Variants in ELMO1 observed in about 807,000 individuals in gnomAD.
ELMO1 encodes the protein engulfment and cell motility protein 1.
Under a neutral mutation model 98.9 loss-of-function variants are expected in ELMO1, and 26 were observed. The observed-to-expected ratio is 0.26, with a 90% CI of 0.19 to 0.36. The LOEUF (loss-of-function observed/expected upper bound fraction) is 0.36, where lower values mean the gene tolerates loss of function less well. ELMO1 is among the 10% of genes least tolerant of loss of function. The pLI is 1.00. For missense variants in ELMO1, 627 were observed against 935.2 expected (o/e 0.67, Z 4.30); for synonymous variants, 346 against 346.0 (o/e 1.00, Z 0.00).
At chr7:37,207,499 A>G (rs1407971273) in intron 13 of ELMO1, among the ~76,000 whole-genome samples, 1 of 152,046 alleles carries the variant, frequency 6.6e-6, no homozygotes, top group Non-Finnish European at 1.5e-5. Flanking sequence ...TACAGTGAGC[A>G]AAGATTGCAC....
chr7:37,211,645 T>G (rs1792981496), intron 12 of ELMO1, 128 bp from the exon 13 acceptor site: 1 of 1,265,454 alleles, frequency 7.9e-7, no homozygotes, highest in African/African-American at 1.5e-5. Flanking sequence ...GAAAAACAGA[T>G]AAAAGAGAAC....
In ELMO1 at chr7:37,342,588, C is replaced by A. The variant is rs769355098; in HGVS notation, c.78+25G>T. The A allele has an allele frequency of 5.6e-6, 9 of 1,610,874 alleles. No homozygotes were observed. The highest frequency in any genetic ancestry group is 7.6e-6 in the Non-Finnish European group (9 of 1,177,230). ...GTATAGAAAGGAAACTGAAAATAGA[C>A]ACCCAATGCTGTCACGTTACTAACC... On this transcript the variant is annotated intron_variant, in intron 2 of 21. Coordinates refer to ENST00000310758, the MANE Select transcript of ELMO1 (RefSeq NM_014800.11). This position sits in a 1 kb window ranked among gnomAD's most constrained non-coding sequence, Gnocchi z 4.3.
At chr7:37,418,590 G>A (rs1804332715) in intron 1 of ELMO1, among the ~76,000 whole-genome samples, 1 of 152,186 alleles carries the variant, frequency 6.6e-6, no homozygotes, top group African/African-American at 2.4e-5. Context: ...GGAAGGGACT[G>A]TGCTGTGCCA....
chr7:37,138,783 A>G lies in ELMO1; in HGVS notation c.1087-5549T>C, dbSNP rs909119389. Among the ~76,000 whole-genome samples, 7 of 152,288 alleles carry G rather than the reference A, an allele frequency of 4.6e-5. No individual in the cohort carries two copies. In the South Asian group the frequency reaches 1.2e-3, roughly 27 times the overall value. ...AAGGACATCATAAAAAAAGAAAACTACAGACCAGTATCACTGATGAACACA... is the reference window on the plus strand; with the variant it reads ...AAGGACATCATAAAAAAAGAAAACTGCAGACCAGTATCACTGATGAACACA... On this transcript the variant is annotated intron_variant, in intron 13 of 21. Transcript: ENST00000310758.
chr7:36,980,400 C>T (rs1016772731), intron 16 of ELMO1, among the ~76,000 whole-genome samples: 35 of 152,118 alleles, frequency 2.3e-4, no homozygotes, highest in Admixed American at 1.6e-3. Flanking sequence ...AACATGGGCG[C>T]CAGAAGACAG....
At chr7:37,004,383 CAG>C (rs1294760745) in intron 16 of ELMO1, among the ~76,000 whole-genome samples, 2 of 152,122 alleles carry the variant, frequency 1.3e-5, no homozygotes, top group Non-Finnish European at 1.5e-5. Flanking sequence ...AGTTACTGAA[CAG>C]AGTTATGGAA....
intron 16 of ELMO1, among the ~76,000 whole-genome samples, chr7:36,974,851 G>A (rs917493603): frequency 6.6e-6 from 1 of 151,954 alleles, no homozygotes; most frequent in Non-Finnish European, 1.5e-5. Flanking sequence ...GCGAGACCAT[G>A]AGCCCACCGG....
At chr7:37,259,381 T>G (rs553478407) in intron 5 of ELMO1, 31 bp from the exon 6 acceptor site, 2 of 1,599,858 alleles carry the variant, frequency 1.3e-6, no homozygotes, top group South Asian at 1.1e-5. Flanking sequence ...GGAAGAGTGT[T>G]GACAAACGAA....
intron 15 of ELMO1, among the ~76,000 whole-genome samples, chr7:37,027,623 G>T (rs1794654109): frequency 6.6e-6 from 1 of 152,134 alleles, no homozygotes; most frequent in Admixed American, 6.5e-5. Context: ...TAATATTTTT[G>T]CCTATTTACT....
chr7:37,045,532 T>C (rs1795749957), intron 15 of ELMO1, among the ~76,000 whole-genome samples: 1 of 152,238 alleles, frequency 6.6e-6, no homozygotes, highest in African/African-American at 2.4e-5. Flanking sequence ...ATGTTTCTCC[T>C]TTGCTCACTT....
In ELMO1 at chr7:37,192,825, T is replaced by A. The variant is rs1791683348; in HGVS notation, c.1086+18561A>T. Among the ~76,000 whole-genome samples the A allele has an allele frequency of 2.0e-5, 3 of 146,526 alleles. No individual in the cohort carries two copies. In the South Asian group the frequency reaches 6.3e-4, roughly 31 times the overall value. Reference sequence around the variant, plus strand: ...AAAAAAAAAAAAAAATGTGTGTGTGTGTATATATGTATATATGACATATAT... The same window carrying A: ...AAAAAAAAAAAAAAATGTGTGTGTGAGTATATATGTATATATGACATATAT... On this transcript the variant is annotated intron_variant, in intron 13 of 21. Transcript: ENST00000310758.
At chr7:36,991,206 G>C (rs1271548249) in intron 16 of ELMO1, among the ~76,000 whole-genome samples, 1 of 152,160 alleles carries the variant, frequency 6.6e-6, no homozygotes, top group African/African-American at 2.4e-5. Flanking sequence ...ATATGCAGTA[G>C]GCTCTTCTCC....
intron 10 of ELMO1, chr7:37,217,864 C>T (rs1001123464): frequency 2.2e-6 from 1 of 449,878 alleles, no homozygotes; most frequent in African/African-American, 2.0e-5. Flanking sequence ...AACGCCCCTG[C>T]TGACCCACTG....
intron 8 of ELMO1, among the ~76,000 whole-genome samples, chr7:37,226,375 T>C (rs1159722703): frequency 1.3e-5 from 2 of 152,178 alleles, no homozygotes; most frequent in Non-Finnish European, 2.9e-5. Flanking sequence ...CCTCGCAGTC[T>C]GCTCCAATCC....
At chr7:37,112,814 G>A (rs1029937893) in intron 14 of ELMO1, among the ~76,000 whole-genome samples, 1 of 152,182 alleles carries the variant, frequency 6.6e-6, no homozygotes, top group Non-Finnish European at 1.5e-5. Flanking sequence ...ACTACTGGGT[G>A]CACCAGGTGT....
At chr7:37,149,651 G>C (rs1250478166) in intron 13 of ELMO1, among the ~76,000 whole-genome samples, 1 of 152,102 alleles carries the variant, frequency 6.6e-6, no homozygotes, top group Non-Finnish European at 1.5e-5. Context: ...ACACAGCCTT[G>C]CATATGGCTC....
At chr7:37,190,878 C>T (rs1791522516) in intron 13 of ELMO1, among the ~76,000 whole-genome samples, 1 of 151,974 alleles carries the variant, frequency 6.6e-6, no homozygotes. Context: ...AGCATACTTA[C>T]TTATACAAGC....
At chr7:37,387,729 G>T (rs1481701832) in intron 1 of ELMO1, among the ~76,000 whole-genome samples, 2 of 152,200 alleles carry the variant, frequency 1.3e-5, no homozygotes, top group East Asian at 1.9e-4. Flanking sequence ...GTCCTGAAAA[G>T]TCATGATGTA....
At chr7:37,131,062 C>A (rs1399757632) in intron 14 of ELMO1, among the ~76,000 whole-genome samples, 1 of 152,064 alleles carries the variant, frequency 6.6e-6, no homozygotes, top group African/African-American at 2.4e-5. Context: ...AGCACTACTG[C>A]CATATCATGG....
Sources: allele counts gnomAD v4.1 joint callset (sites outside exome capture counted in the v4.1 genomes callset), GRCh38; gene constraint gnomAD v4.1.1; non-coding constraint Gnocchi (gnomAD v3.1); transcripts MANE v1.5; gene names NCBI Gene and HGNC (gene_info 2026-07-23, HGNC 2026-07-21).